The following USP25 variants were observed in gnomAD, a reference collection of about 807,000 sequenced individuals.
USP25 encodes the protein ubiquitin carboxyl-terminal hydrolase 25.
USP25 carries 85 observed loss-of-function variants against 158.5 expected under a neutral mutation model. That is an observed-to-expected ratio of 0.54 (90% CI 0.45 to 0.64). The LOEUF is 0.64. USP25 is among the 30% of genes least tolerant of loss of function. The probability of loss-of-function intolerance (pLI) is 0.00; values close to 1 mark genes in which losing one functional copy is unlikely to be tolerated. For missense variants in USP25, 1,242 were observed against 1,327.3 expected (o/e 0.94, Z 1.00); for synonymous variants, 464 against 460.4 (o/e 1.01, Z -0.10).
chr21:15,784,714 G>C (rs1364717654), intron 4 of USP25, among the ~76,000 whole-genome samples: 2 of 152,134 alleles, frequency 1.3e-5, no homozygotes, highest in East Asian at 1.9e-4. Flanking sequence ...TGTTGTAACT[G>C]TAAGACTCTT....
chr21:15,849,057 A>G (rs907770147), intron 19 of USP25, among the ~76,000 whole-genome samples: 21 of 152,210 alleles, frequency 1.4e-4, no homozygotes, highest in African/African-American at 4.8e-4. Context: ...TTTTATAAAC[A>G]TGCTGGCTCT....
chr21:15,780,823 T>C (rs1468272558), intron 4 of USP25, among the ~76,000 whole-genome samples: 1 of 152,174 alleles, frequency 6.6e-6, no homozygotes, highest in East Asian at 1.9e-4. Flanking sequence ...CTAAAGATGG[T>C]GTGTGAAACA....
chr21:15,828,556 GA>G (rs1392172490), intron 14 of USP25, among the ~76,000 whole-genome samples: 4 of 152,192 alleles, frequency 2.6e-5, no homozygotes, highest in Non-Finnish European at 5.9e-5. Context: ...ATGTATTTTG[GA>G]AAAAAGGTAA....
intron 22 of USP25, 37 bp downstream of exon 22, chr21:15,866,381 G>A: frequency 2.1e-6 from 3 of 1,449,836 alleles, no homozygotes; most frequent in Non-Finnish European, 1.9e-6. Context: ...TACAGATTTA[G>A]GGATTCTGTA....
rs766758763 is a variant in USP25 at position 15,842,364 on chromosome 21, T to G, written c.2195-34T>G. Reference sequence around the variant, plus strand: ...ATCTTAGTATAGACTCTGTGGTTTATATTAGATATATAATTGATTCTTTTC... The same window carrying G: ...ATCTTAGTATAGACTCTGTGGTTTAGATTAGATATATAATTGATTCTTTTC... On this transcript the variant is annotated intron_variant, in intron 17 of 25. Coordinates refer to ENST00000400183, the MANE Select transcript of USP25 (RefSeq NM_001283041.3). The G allele has an allele frequency of 1.9e-6, 3 of 1,606,324 alleles. No homozygotes were observed. In the Admixed American group the frequency reaches 5.1e-5, roughly 27 times the overall value.
At chr21:15,817,883 C>T (rs1341491968) in intron 9 of USP25, among the ~76,000 whole-genome samples, 1 of 152,094 alleles carries the variant, frequency 6.6e-6, no homozygotes, top group East Asian at 1.9e-4. Context: ...CACAGCCAAA[C>T]CGTATCAGTG....
intron 1 of USP25, among the ~76,000 whole-genome samples, chr21:15,750,881 G>A (rs2032963376): frequency 6.6e-6 from 1 of 151,018 alleles, no homozygotes; most frequent in African/African-American, 2.4e-5. Flanking sequence ...GCCTCCCAAA[G>A]TGCTTGGATT....
At chr21:15,866,464 G>A in intron 22 of USP25, 120 bp downstream of exon 22, 1 of 612,238 alleles carries the variant, frequency 1.6e-6, no homozygotes, top group Non-Finnish European at 2.5e-6. Context: ...AAAAAATTAA[G>A]TTTCCAAGTC....
At chr21:15,856,224 G>C (rs1322148643) in intron 20 of USP25, among the ~76,000 whole-genome samples, 1 of 152,102 alleles carries the variant, frequency 6.6e-6, no homozygotes, top group East Asian at 1.9e-4. Context: ...TGTGGAAAAA[G>C]AACATAAAAT....
chr21:15,824,930 T>G (rs2037425924), intron 11 of USP25, 36 bp from the exon 12 acceptor site: 1 of 1,532,040 alleles, frequency 6.5e-7, no homozygotes, highest in African/African-American at 1.4e-5. Flanking sequence ...ACTTTCATGA[T>G]ATTCGGAAAT....
chr21:15,802,767 G>A (rs968707485), intron 6 of USP25, among the ~76,000 whole-genome samples: 10 of 151,524 alleles, frequency 6.6e-5, no homozygotes, highest in Admixed American at 4.0e-4. Context: ...TAAAGGGCAC[G>A]TTAATCTCAA....
intron 20 of USP25, among the ~76,000 whole-genome samples, chr21:15,853,864 T>C (rs1292660865): frequency 6.6e-6 from 1 of 152,204 alleles, no homozygotes; most frequent in Admixed American, 6.5e-5. Context: ...ACTCGTAAGA[T>C]CATACGAGCC....
intron 4 of USP25, among the ~76,000 whole-genome samples, chr21:15,783,265 A>G (rs1209274279): frequency 2.0e-5 from 3 of 152,184 alleles, no homozygotes; most frequent in African/African-American, 7.2e-5. Context: ...ATCAGACACC[A>G]TTAAGCAAAC....
intron 6 of USP25, among the ~76,000 whole-genome samples, chr21:15,804,557 T>A (rs987923113): frequency 2.6e-5 from 4 of 152,150 alleles, no homozygotes; most frequent in African/African-American, 9.6e-5. Flanking sequence ...ATAATTAAGA[T>A]TGTCACACCA....
intron 17 of USP25, among the ~76,000 whole-genome samples, chr21:15,834,810 G>C (rs1300642192): frequency 6.6e-6 from 1 of 152,148 alleles, no homozygotes. Flanking sequence ...CATTATAGTG[G>C]CTGGTGAACT....
At chr21:15,776,962 T>C (rs557723180) in intron 3 of USP25, among the ~76,000 whole-genome samples, 1 of 152,326 alleles carries the variant, frequency 6.6e-6, no homozygotes, top group African/African-American at 2.4e-5. Context: ...CTGATCATAT[T>C]ATTTTGTAAC....
At chr21:15,866,382 G>A (rs748059689) in intron 22 of USP25, 38 bp downstream of exon 22, 1 of 1,440,270 alleles carries the variant, frequency 6.9e-7, no homozygotes, top group East Asian at 2.5e-5. Flanking sequence ...ACAGATTTAG[G>A]GATTCTGTAA....
At chr21:15,735,843 G>C (rs1160146805) in intron 1 of USP25, among the ~76,000 whole-genome samples, 1 of 151,960 alleles carries the variant, frequency 6.6e-6, no homozygotes, top group Non-Finnish European at 1.5e-5. Flanking sequence ...TCCAAATTTT[G>C]CTTATTGTCT....
intron 7 of USP25, among the ~76,000 whole-genome samples, chr21:15,806,148 A>G (rs2036377706): frequency 6.6e-6 from 1 of 152,350 alleles, no homozygotes; most frequent in East Asian, 1.9e-4. Context: ...TTTTAGGCTT[A>G]GTATCTACTC....
Sources: allele counts gnomAD v4.1 joint callset (sites outside exome capture counted in the v4.1 genomes callset), GRCh38; gene constraint gnomAD v4.1.1; transcripts MANE v1.5; gene names NCBI Gene and HGNC (gene_info 2026-07-23, HGNC 2026-07-21).